MTFR1: variants seen among roughly 807,000 people sequenced by gnomAD.
MTFR1 encodes mitochondrial fission regulator 1.
MTFR1 carries 28 observed loss-of-function variants against 38.8 expected under a neutral mutation model. That is an observed-to-expected ratio of 0.72 (90% CI 0.53 to 0.99). The LOEUF (loss-of-function observed/expected upper bound fraction) is 0.99, where lower values mean the gene tolerates loss of function less well. MTFR1 is among the 50% of genes least tolerant of loss of function. The probability of loss-of-function intolerance (pLI) is 0.00; values close to 1 mark genes in which losing one functional copy is unlikely to be tolerated. For missense variants in MTFR1, 358 were observed against 395.5 expected (o/e 0.91, Z 0.81); for synonymous variants, 145 against 137.0 (o/e 1.06, Z -0.41).
rs186565939 is a variant in MTFR1 at position 65,740,681 on chromosome 8, G to A, written c.*48+21200G>A. Among the ~76,000 whole-genome samples the A allele has an allele frequency of 1.4e-4, 21 of 152,206 alleles. No individual in the cohort carries two copies. In the South Asian group the frequency reaches 1.7e-3, roughly 12 times the overall value. Reference sequence around the variant, plus strand: ...TCCCAAAGTGCTGGGATTTACAGGCGTGAGCTACCACGCCTGGCCAAGTTT... The same window carrying A: ...TCCCAAAGTGCTGGGATTTACAGGCATGAGCTACCACGCCTGGCCAAGTTT... On this transcript the variant is annotated intron_variant, in intron 3 of 3. Transcript: ENST00000521247.
At chr8:65,670,140 T>G in intron 2 of MTFR1, 122 bp downstream of exon 2, 1 of 753,464 alleles carries the variant, frequency 1.3e-6, no homozygotes, top group Non-Finnish European at 2.1e-6. Flanking sequence ...TATGTACTGT[T>G]TAATTTGCTT....
intron 3 of MTFR1, chr8:65,727,218 A>AT: frequency 6.2e-7 from 1 of 1,613,728 alleles, no homozygotes; most frequent in Non-Finnish European, 8.5e-7. Context: ...GGAAAGGTTG[A>AT]TTAACACCTG....
chr8:65,736,701 G>A (rs1246129646), intron 3 of MTFR1, among the ~76,000 whole-genome samples: 1 of 151,502 alleles, frequency 6.6e-6, no homozygotes, highest in African/African-American at 2.4e-5. Flanking sequence ...AGTGAGCCAT[G>A]ATCACGCCAC....
Position 65,725,407 on chromosome 8 carries a change from C to G in MTFR1, c.*48+5926C>G, listed in dbSNP as rs760928164. ...TCCTACAGACATTCTGACTAAGATG[C>G]CTGTTGCAATTCCCCTGAGCAACTT... is the stretch of plus-strand genomic sequence containing the variant. On this transcript the variant is annotated intron_variant, in intron 3 of 3. Transcript: ENST00000521247. 5.8e-5 allele frequency: 9 copies of G among 154,714 alleles called. No individual in the cohort carries two copies. In the Middle Eastern group the frequency reaches 1.6e-3, roughly 27 times the overall value. The allele number at this position is 154,714 out of a possible 1,614,324, so 9.6% of individuals were successfully genotyped here.
chr8:65,751,822 G>C (rs1807982897), intron 3 of MTFR1, among the ~76,000 whole-genome samples: 1 of 152,060 alleles, frequency 6.6e-6, no homozygotes, highest in South Asian at 2.1e-4. Context: ...TAAATATATA[G>C]AAACATATTA....
intron 3 of MTFR1, among the ~76,000 whole-genome samples, chr8:65,689,031 G>C (rs1805191768): frequency 6.6e-6 from 1 of 152,056 alleles, no homozygotes; most frequent in Admixed American, 6.5e-5. Flanking sequence ...TGTAATCTCA[G>C]CTACTCAGGA....
At chr8:65,711,414 T>TAAATAGA (rs1554552468), downstream of MTFR1, among the ~76,000 whole-genome samples, 1 of 152,172 alleles carries the variant, frequency 6.6e-6, no homozygotes, top group African/African-American at 2.4e-5. Context: ...CAGAAATAAA[T>TAAATAGA]AGAAGTTCTC....
At chr8:65,715,476 C>CA (rs1192261537), downstream of MTFR1, among the ~76,000 whole-genome samples, 2 of 151,354 alleles carry the variant, frequency 1.3e-5, no homozygotes, top group Non-Finnish European at 2.9e-5. Flanking sequence ...CACCTGGGTT[C>CA]AAGCAATTCT....
chr8:65,657,779 G>A (rs768490912), intron 1 of MTFR1, among the ~76,000 whole-genome samples: 2 of 151,262 alleles, frequency 1.3e-5, no homozygotes, highest in African/African-American at 2.4e-5. Flanking sequence ...ATAACTTCAC[G>A]TTCCTTTTTT....
rs78030555 is a variant in MTFR1, at chr8:65,769,654, G to C, written c.*49-1293G>C. On this transcript the variant is annotated intron_variant, in intron 3 of 3. Transcript: ENST00000521247. The stretch of plus-strand genomic sequence containing the variant: ...CTCATACCTGTAATCCCAGCACTTT[G>C]GGAGGCTGACGCAGGCAGATGACTT... 2.0e-3 allele frequency among the ~76,000 whole-genome samples: 303 copies of C among 152,322 alleles called. 2 individuals are homozygous for C. The East Asian group carries it at 0.049, about 25-fold the overall frequency.
intron 3 of MTFR1, among the ~76,000 whole-genome samples, chr8:65,762,915 T>C (rs975945110): frequency 2.6e-5 from 4 of 151,810 alleles, no homozygotes; most frequent in African/African-American, 4.8e-5. Flanking sequence ...GGTGGGAGGA[T>C]TGCTTGAGCC....
chr8:65,770,592 C>G (rs1346515416), intron 3 of MTFR1, among the ~76,000 whole-genome samples: 1 of 152,142 alleles, frequency 6.6e-6, no homozygotes, highest in African/African-American at 2.4e-5. Flanking sequence ...ACCATATCAA[C>G]CTCTAAACAC....
chr8:65,757,198 G>A (rs1808274573), intron 3 of MTFR1, among the ~76,000 whole-genome samples: 1 of 152,184 alleles, frequency 6.6e-6, no homozygotes, highest in Non-Finnish European at 1.5e-5. Context: ...GTCCTGCCTT[G>A]GGGCAGGTGA....
At chr8:65,717,024 C>G (rs1267305359) in intron 2 of MTFR1, among the ~76,000 whole-genome samples, 2 of 152,094 alleles carry the variant, frequency 1.3e-5, no homozygotes, top group African/African-American at 4.8e-5. Flanking sequence ...ACTTAGTACC[C>G]CCCAAAAGAA....
intron 1 of MTFR1, among the ~76,000 whole-genome samples, chr8:65,647,416 G>A (rs995361590): frequency 9.9e-5 from 15 of 152,104 alleles, no homozygotes; most frequent in South Asian, 2.1e-4. Context: ...GGGTTCAAGC[G>A]ATTCTCCTGC....
chr8:65,734,025 AT>A (rs1807020136), intron 3 of MTFR1, among the ~76,000 whole-genome samples: 1 of 152,212 alleles, frequency 6.6e-6, no homozygotes, highest in Non-Finnish European at 1.5e-5. Flanking sequence ...AAATCCATAC[AT>A]TAAGTCTGAT....
In MTFR1 at chr8:65,706,882, A is replaced by G; in HGVS notation, c.518-128A>G. 1.3e-5 allele frequency: 13 copies of G among 1,028,292 alleles called. 1 individual carries two copies. Among genetic ancestry groups the G allele is most frequent in the South Asian group, 3.6e-5 (2 of 56,320 alleles). 63.7% of individuals were successfully genotyped at this position (1,028,292 alleles called of 1,614,324 possible). A position where few individuals can be genotyped will look rare whatever the true frequency, so the allele number is the denominator to read the frequency against. ...TAACTGAAACTGTCTTGCTTCTTACATAACTGAAACGTTAAGAATATTGTT... is the reference window on the plus strand; with the variant it reads ...TAACTGAAACTGTCTTGCTTCTTACGTAACTGAAACGTTAAGAATATTGTT... On this transcript the variant is annotated intron_variant, in intron 5 of 7. Coordinates refer to ENST00000262146, the MANE Select transcript of MTFR1 (RefSeq NM_014637.4).
At chr8:65,761,704 G>C (rs117282268) in intron 3 of MTFR1, among the ~76,000 whole-genome samples, 5,096 of 152,296 alleles carry the variant, frequency 0.033, 136 homozygotes, top group Non-Finnish European at 0.053. Flanking sequence ...GTGATCACGG[G>C]TATTACTTCC....
intron 3 of MTFR1, among the ~76,000 whole-genome samples, chr8:65,734,113 C>A (rs1191974346): frequency 2.0e-5 from 3 of 152,188 alleles, no homozygotes; most frequent in African/African-American, 7.2e-5. Context: ...ACATTTAATA[C>A]CACGGATCCA....
Sources: allele counts gnomAD v4.1 joint callset (sites outside exome capture counted in the v4.1 genomes callset), GRCh38; gene constraint gnomAD v4.1.1; transcripts MANE v1.5; gene names NCBI Gene and HGNC (gene_info 2026-07-23, HGNC 2026-07-21).